RAD51B: variants seen among roughly 807,000 people sequenced by gnomAD.
RAD51B encodes DNA repair protein RAD51 homolog 2.
RAD51B carries 38 observed loss-of-function variants against 42.2 expected under a neutral mutation model. The ratio of observed to expected loss-of-function variants is 0.90; its 90% CI spans 0.70 to 1.18. The LOEUF is 1.18. Ranked by LOEUF, RAD51B falls within the 50% of genes most tolerant of loss-of-function variation. RAD51B has a pLI of 0.00. For synonymous variants in RAD51B, 154 were observed against 145.2 expected, an observed-to-expected ratio of 1.06 and a Z score of -0.43; for missense variants, 373 against 400.7, an observed-to-expected ratio of 0.93 and a Z score of 0.59.
At chr14:68,567,160 G>A (rs1250286690) in intron 10 of RAD51B, among the ~76,000 whole-genome samples, 1 of 152,076 alleles carries the variant, frequency 6.6e-6, no homozygotes, top group Non-Finnish European at 1.5e-5. Context: ...TTAGCTGGGC[G>A]CAGTGGCAGG....
At chr14:68,439,113 G>A (rs1476755969) in intron 9 of RAD51B, among the ~76,000 whole-genome samples, 2 of 151,746 alleles carry the variant, frequency 1.3e-5, no homozygotes, top group South Asian at 2.1e-4. Flanking sequence ...TGGAGAGGAG[G>A]GATGAAGGGC....
At chr14:68,528,406 T>G (rs558893943) in intron 10 of RAD51B, among the ~76,000 whole-genome samples, 11 of 152,244 alleles carry the variant, frequency 7.2e-5, no homozygotes, top group Non-Finnish European at 1.6e-4. Context: ...ACCAACTTAT[T>G]GCATATGTGA....
intron 7 of RAD51B, among the ~76,000 whole-genome samples, chr14:68,162,601 C>T (rs553995818): frequency 2.3e-4 from 35 of 152,158 alleles, no homozygotes; most frequent in Middle Eastern, 3.4e-3. Context: ...CTAGCTAACA[C>T]GGTGAAACCC....
At chr14:68,578,615 T>C (rs1049538236) in intron 10 of RAD51B, among the ~76,000 whole-genome samples, 2 of 152,052 alleles carry the variant, frequency 1.3e-5, no homozygotes, top group Non-Finnish European at 2.9e-5. Flanking sequence ...GCCTCTCTCC[T>C]TGAAGGATAT....
intron 4 of RAD51B, among the ~76,000 whole-genome samples, chr14:67,835,609 T>G (rs2041215820): frequency 6.6e-6 from 1 of 151,488 alleles, no homozygotes; most frequent in African/African-American, 2.4e-5. Context: ...ATAAATAACA[T>G]TATATATTTT....
At chr14:68,428,355 A>G (rs2084904572) in intron 9 of RAD51B, among the ~76,000 whole-genome samples, 2 of 151,930 alleles carry the variant, frequency 1.3e-5, no homozygotes, top group Admixed American at 1.3e-4. Flanking sequence ...ATTTTTTTTA[A>G]TTTTTACTTT....
chr14:68,470,551 C>T (rs759074586), intron 10 of RAD51B: 3 of 500,512 alleles, frequency 6.0e-6, no homozygotes, highest in South Asian at 4.6e-5. Flanking sequence ...AACCTTGATT[C>T]AAGACTTTGA....
At chr14:68,527,865 AC>A (rs1332626626) in intron 10 of RAD51B, among the ~76,000 whole-genome samples, 4 of 152,282 alleles carry the variant, frequency 2.6e-5, no homozygotes, top group Non-Finnish European at 4.4e-5. Context: ...AAGGAAGTTT[AC>A]TAAATATTAA....
At chr14:68,277,979 A>G (rs7151372) in intron 7 of RAD51B, among the ~76,000 whole-genome samples, 3,920 of 152,218 alleles carry the variant, frequency 0.026, 97 homozygotes, top group African/African-American at 0.058. Flanking sequence ...CTGGACTAAA[A>G]TGATCTGCCC....
intron 7 of RAD51B, among the ~76,000 whole-genome samples, chr14:68,096,183 A>G (rs2077191834): frequency 6.6e-6 from 1 of 152,076 alleles, no homozygotes; most frequent in East Asian, 1.9e-4. Context: ...ACGCTCCTCA[A>G]TCTTTGAAGA....
At position 67,998,905 on chromosome 14, in the gene RAD51B, A is replaced by G. The variant is rs184228157; in HGVS notation, c.756+111701A>G. Among the ~76,000 whole-genome samples the G allele has an allele frequency of 1.2e-4, 19 of 152,248 alleles. 1 individual carries two copies. The East Asian group carries it at 3.1e-3, about 25-fold the overall frequency. On this transcript the variant is annotated intron_variant, in intron 7 of 10. Coordinates refer to ENST00000471583, the MANE Select transcript of RAD51B (RefSeq NM_133510.4). ...CAGCTTAATTTTCAGTCATAGTCTC[A>G]AGGGGAACCCTGTGTAGATTTCCTG...
chr14:68,112,892 T>A (rs1387564163), intron 7 of RAD51B, among the ~76,000 whole-genome samples: 1 of 152,170 alleles, frequency 6.6e-6, no homozygotes, highest in Non-Finnish European at 1.5e-5. Context: ...TAAATAAACT[T>A]GCTACGTAGA....
chr14:68,668,593 A>G (rs1387714384), intron 11 of RAD51B, among the ~76,000 whole-genome samples: 1 of 152,198 alleles, frequency 6.6e-6, no homozygotes, highest in Non-Finnish European at 1.5e-5. Flanking sequence ...TGGCATAACC[A>G]TTGAGACATG....
intron 7 of RAD51B, chr14:68,130,238 G>A (rs1203574114): frequency 4.6e-5 from 7 of 152,230 alleles, no homozygotes; most frequent in Admixed American, 4.6e-4. Context: ...ATACAGTAGT[G>A]TGGCTGACTC....
At chr14:67,944,746 G>A (rs566065452) in intron 7 of RAD51B, among the ~76,000 whole-genome samples, 4 of 152,148 alleles carry the variant, frequency 2.6e-5, no homozygotes, top group South Asian at 2.1e-4. Context: ...CAAGAGTTTC[G>A]CCAGCATATT....
chr14:68,550,521 G>A (rs1446782144), intron 10 of RAD51B, among the ~76,000 whole-genome samples: 1 of 152,240 alleles, frequency 6.6e-6, no homozygotes, highest in Non-Finnish European at 1.5e-5. Flanking sequence ...TGTGCCTGGT[G>A]TACTTTTAAA....
In RAD51B at chr14:68,048,286, T is replaced by A. The variant is rs569835099; in HGVS notation, c.756+161082T>A. Among the ~76,000 whole-genome samples the A allele has an allele frequency of 2.0e-5, 3 of 152,188 alleles. No homozygotes were observed. The South Asian group carries it at 6.2e-4, about 32-fold the overall frequency. ...ATCCTTCGCCCACTTTTTGATGGGG[T>A]TGTTTGTTTTTTCCTTGTAAATTTG... On this transcript the variant is annotated intron_variant, in intron 7 of 10. Coordinates refer to ENST00000471583, the MANE Select transcript of RAD51B (RefSeq NM_133510.4).
chr14:68,084,842 C>T (rs1481598280), intron 7 of RAD51B, among the ~76,000 whole-genome samples: 1 of 151,994 alleles, frequency 6.6e-6, no homozygotes, highest in African/African-American at 2.4e-5. Context: ...TGTCTTATGG[C>T]AGTATGTTAA....
At chr14:68,425,975 T>TCTTCCTTCCTTC (rs1298543738) in intron 9 of RAD51B, among the ~76,000 whole-genome samples, 113 of 86,054 alleles carry the variant, frequency 1.3e-3, no homozygotes, top group Non-Finnish European at 2.2e-3. Context: ...TTTCTTTCTT[T>TCTTCCTTCCTTC]CTTCCTTCCT....
Sources: gnomAD v4.1 joint callset for allele counts (sites outside exome capture counted in the v4.1 genomes callset) on GRCh38, gnomAD v4.1.1 for gene constraint, MANE v1.5 for transcripts, NCBI Gene and HGNC (gene_info 2026-07-23, HGNC 2026-07-21) for gene names.